Variants in WNK3 observed in about 807,000 individuals in gnomAD.
WNK3 encodes serine/threonine-protein kinase WNK3.
Under a neutral mutation model 116.7 loss-of-function variants are expected in WNK3, and 18 were observed. That is an observed-to-expected ratio of 0.15 (90% CI 0.11 to 0.23). The LOEUF is 0.23. Among genes scored for constraint, WNK3 ranks in the 10% least tolerant of loss-of-function variants. The pLI, the probability that WNK3 is intolerant of heterozygous loss-of-function variation, is 1.00. For synonymous variants in WNK3, 404 were observed against 469.4 expected (o/e 0.86, Z 1.80); for missense variants, 993 against 1,323.8 (o/e 0.75, Z 3.88).
At chrX:54,323,744 C>G (rs1557172756) in intron 2 of WNK3, among the ~76,000 whole-genome samples, 1 of 111,343 alleles carries the variant, frequency 9.0e-6, no homozygotes, top group African/African-American at 3.3e-5. Context: ...AATTTCTAAG[C>G]CTTCTTATAA....
At chrX:54,254,172 T>C (rs2068166059) in intron 12 of WNK3, 97 bp from the exon 13 acceptor site, 1 of 509,836 alleles carries the variant, frequency 2.0e-6, no homozygotes, top group African/African-American at 2.3e-5. Flanking sequence ...ACAATATATG[T>C]GGAAAATGGC....
At chrX:54,228,225 C>T (rs1415540344) in intron 22 of WNK3, among the ~76,000 whole-genome samples, 13 of 111,133 alleles carry the variant, frequency 1.2e-4, no homozygotes, top group African/African-American at 3.9e-4. Flanking sequence ...GAATAAATGG[C>T]GGGGGCTACT....
intron 1 of WNK3, among the ~76,000 whole-genome samples, chrX:54,341,371 TG>T (rs1441525916): frequency 2.8e-5 from 3 of 108,431 alleles, no homozygotes; most frequent in Non-Finnish European, 5.7e-5. Flanking sequence ...CACTCCAACC[TG>T]GGCGAAAGAG....
chrX:54,305,434 T>TAGGA (rs2068812986), intron 5 of WNK3, among the ~76,000 whole-genome samples: 3 of 111,522 alleles, frequency 2.7e-5, no homozygotes, highest in African/African-American at 9.8e-5. Context: ...TCTTTCTTTC[T>TAGGA]TCAGAGAATC....
intron 5 of WNK3, among the ~76,000 whole-genome samples, chrX:54,306,904 A>G (rs1010851635): frequency 5.4e-5 from 6 of 110,914 alleles, no homozygotes; most frequent in Non-Finnish European, 1.1e-4. Context: ...TACCCCTTAA[A>G]TATGTACAAT....
exon 24 of WNK3, chrX:54,197,202 T>A (rs1265524910): frequency 8.9e-6 from 1 of 112,225 alleles, no homozygotes; most frequent in African/African-American, 3.2e-5. Context: ...AGCTGCAATA[T>A]ATGCCTTGCA....
intron 10 of WNK3, among the ~76,000 whole-genome samples, chrX:54,263,049 T>C (rs2146982883): frequency 9.0e-6 from 1 of 110,985 alleles, no homozygotes; most frequent in Admixed American, 9.7e-5. Flanking sequence ...AGGTCTTATG[T>C]AATGCCAAAC....
chrX:54,314,192 C>CAA (rs1384345291), intron 2 of WNK3, among the ~76,000 whole-genome samples: 1 of 39,678 alleles, frequency 2.5e-5, no homozygotes, highest in Non-Finnish European at 4.9e-5. Flanking sequence ...GACTCTGTCT[C>CAA]AAAAAAAAAA....
chrX:54,307,799 A>G, intron 5 of WNK3, 123 bp downstream of exon 5: 2 of 547,318 alleles, frequency 3.7e-6, no homozygotes, highest in Non-Finnish European at 5.8e-6. Context: ...TTGCATTACA[A>G]TTGTTAATTT....
chrX:54,270,333 G>A (rs979635653), intron 10 of WNK3, among the ~76,000 whole-genome samples: 1 of 109,011 alleles, frequency 9.2e-6, no homozygotes. Flanking sequence ...TTGAACTCCC[G>A]ACCTCAGGCC....
intron 2 of WNK3, among the ~76,000 whole-genome samples, chrX:54,323,794 C>T (rs141885917): frequency 9.0e-6 from 1 of 111,125 alleles, no homozygotes; most frequent in East Asian, 2.9e-4. Context: ...GAAAATGAGG[C>T]CTGTGTCTGC....
chrX:54,289,143 C>T (rs1245796089), intron 10 of WNK3, among the ~76,000 whole-genome samples: 6 of 111,450 alleles, frequency 5.4e-5, no homozygotes, highest in Non-Finnish European at 1.1e-4. Context: ...GATAAGCAGA[C>T]TGCACGTGAG....
intron 22 of WNK3, among the ~76,000 whole-genome samples, chrX:54,220,672 T>C (rs1412169314): frequency 1.8e-5 from 2 of 112,264 alleles, no homozygotes; most frequent in South Asian, 3.7e-4. Flanking sequence ...AGGTGTCTTA[T>C]TGCATAAAAT....
chrX:54,357,945 G>A (rs2069620104), exon 1 of WNK3: 1 of 112,695 alleles, frequency 8.9e-6, no homozygotes, highest in African/African-American at 3.2e-5. Flanking sequence ...GGTAGGTAAA[G>A]AGCGGGCGGA....
intron 2 of WNK3, among the ~76,000 whole-genome samples, chrX:54,328,250 T>C (rs2069128805): frequency 9.0e-6 from 1 of 110,768 alleles, no homozygotes; most frequent in South Asian, 3.8e-4. Context: ...TTTAATTATA[T>C]AATAAATAAG....
At chrX:54,354,673 C>A (rs1343388501) in intron 1 of WNK3, among the ~76,000 whole-genome samples, 2 of 110,880 alleles carry the variant, frequency 1.8e-5, no homozygotes, top group African/African-American at 3.3e-5. Flanking sequence ...TGCACATGTA[C>A]CCCGGAACTT....
chrX:54,257,789 C>CAAAAAAAA (rs60655785), intron 11 of WNK3, among the ~76,000 whole-genome samples: 1 of 15,664 alleles, frequency 6.4e-5, no homozygotes, highest in Non-Finnish European at 1.2e-4. Context: ...GACTCTGCCT[C>CAAAAAAAA]AAAAAAAAAA....
chrX:54,268,265 T>C (rs782801491), intron 10 of WNK3, among the ~76,000 whole-genome samples: 1 of 111,456 alleles, frequency 9.0e-6, no homozygotes, highest in African/African-American at 3.3e-5. Flanking sequence ...GGGGATCGCT[T>C]GAGCCCAGGA....
At chrX:54,215,137 A>C (rs1428264540) in intron 22 of WNK3, among the ~76,000 whole-genome samples, 7 of 107,084 alleles carry the variant, frequency 6.5e-5, no homozygotes, top group African/African-American at 1.7e-4. Flanking sequence ...AAAAAAAAAA[A>C]AACACCATCT....
Sources: allele counts gnomAD v4.1 joint callset (sites outside exome capture counted in the v4.1 genomes callset), GRCh38; gene constraint gnomAD v4.1.1; transcripts MANE v1.5; gene names NCBI Gene and HGNC (gene_info 2026-07-23, HGNC 2026-07-21).